CLSTN1: variants seen among roughly 807,000 people sequenced by gnomAD.
CLSTN1 encodes calsyntenin-1.
In CLSTN1, 28 loss-of-function variants were observed where a neutral mutation model predicts 108.3. That is an observed-to-expected ratio of 0.26 (90% CI 0.19 to 0.35). CLSTN1 has a LOEUF of 0.35. Ranked by LOEUF, CLSTN1 falls within the 10% of genes least tolerant of loss-of-function variation. The pLI is 1.00. For missense variants in CLSTN1, 1,157 were observed against 1,302.6 expected, an observed-to-expected ratio of 0.89 and a Z score of 1.72; for synonymous variants, 524 against 534.9, an observed-to-expected ratio of 0.98 and a Z score of 0.28.
At chr1:9,806,238 G>A (rs1398558831) in intron 1 of CLSTN1, among the ~76,000 whole-genome samples, 2 of 151,800 alleles carry the variant, frequency 1.3e-5, no homozygotes, top group Non-Finnish European at 2.9e-5. Context: ...TGGAGGGGGG[G>A]AGGTTGCAGT....
intron 7 of CLSTN1, 147 bp from the exon 8 acceptor site, chr1:9,744,790 T>C (rs1490438671): frequency 9.6e-7 from 1 of 1,037,184 alleles, no homozygotes; most frequent in Non-Finnish European, 1.4e-6. Context: ...AGTCTTGCTT[T>C]GTCCCCAGGC....
intron 2 of CLSTN1, 52 bp from the exon 3 acceptor site, chr1:9,756,562 T>C (rs6680090): frequency 0.96 from 1,465,986 of 1,527,002 alleles, 703,839 homozygotes; most frequent in East Asian, 1. Flanking sequence ...AGAATGAAGA[T>C]GGAATACACT....
At chr1:9,822,040 C>T (rs1011574264) in intron 1 of CLSTN1, among the ~76,000 whole-genome samples, 1 of 152,138 alleles carries the variant, frequency 6.6e-6, no homozygotes, top group African/African-American at 2.4e-5. Flanking sequence ...AAGAAAGCAC[C>T]AATTTTAACA....
chr1:9,816,402 G>A (rs1415854112), intron 1 of CLSTN1, among the ~76,000 whole-genome samples: 1 of 152,126 alleles, frequency 6.6e-6, no homozygotes, highest in African/African-American at 2.4e-5. Context: ...TTTCTTTTGG[G>A]AGTGATGAAA....
At chr1:9,822,180 A>G (rs1655215233) in intron 1 of CLSTN1, among the ~76,000 whole-genome samples, 1 of 152,202 alleles carries the variant, frequency 6.6e-6, no homozygotes, top group African/African-American at 2.4e-5. Flanking sequence ...GATATATTAG[A>G]GTTTCAGACC....
rs780882170 is a variant in CLSTN1, at chr1:9,730,465, C to T, written c.*43G>A. 1.9e-6 allele frequency: 3 copies of T among 1,559,550 alleles called. No homozygotes were observed. The Admixed American group carries it at 5.0e-5, about 26-fold the overall frequency. ...TTGGGACTGGGAGAACGGATGGCAG[C>T]AGAGTCTTCGAAAGCAGAAACCGAG... On this transcript the variant is annotated 3_prime_UTR_variant, in exon 19 of 19. Transcript: ENST00000377298. This position sits in a 1 kb window ranked among gnomAD's most constrained non-coding sequence, Gnocchi z 5.6.
At chr1:9,807,874 TAGGACCCC>T (rs1361001835) in intron 1 of CLSTN1, among the ~76,000 whole-genome samples, 1 of 152,232 alleles carries the variant, frequency 6.6e-6, no homozygotes, top group African/African-American at 2.4e-5. Context: ...CTCGGTCACC[TAGGACCCC>T]AGGAACTAGG....
chr1:9,739,093 C>T (rs2101085825), intron 10 of CLSTN1, among the ~76,000 whole-genome samples: 1 of 152,252 alleles, frequency 6.6e-6, no homozygotes, highest in Admixed American at 6.5e-5. Context: ...AATCATGAAC[C>T]TCTGGGGTAA....
At chr1:9,824,433 A>T (rs999542734), upstream of CLSTN1, 1 of 152,086 alleles carries the variant, frequency 6.6e-6, no homozygotes, top group Non-Finnish European at 1.5e-5. The surrounding 1 kb of genome is among the most constrained non-coding windows in gnomAD (Gnocchi z 5.0). Flanking sequence ...GACCCTTGTC[A>T]CTTCGGGCAG....
At chr1:9,776,533 AAAT>A (rs1163902980) in intron 1 of CLSTN1, among the ~76,000 whole-genome samples, 31 of 152,118 alleles carry the variant, frequency 2.0e-4, no homozygotes, top group African/African-American at 7.5e-4. Context: ...TTAAAAAAAA[AAAT>A]CCACATACAC....
rs1017575973 is a variant in CLSTN1, at chr1:9,823,385, T to C, written c.91+258A>G. ...AGCCCCGCCCGGGACGGAGCCTGGC[T>C]TCCCCGGGACGCCTGCAGCGCGCGC... On this transcript the variant is annotated intron_variant, in intron 1 of 18. Transcript: ENST00000377298. The surrounding 1 kb of genome is among the most constrained non-coding windows in gnomAD (Gnocchi z 6.3). 6.6e-6 allele frequency among the ~76,000 whole-genome samples: 1 copy of C among 152,018 alleles called. No individual in the cohort carries two copies. Among genetic ancestry groups the C allele is most frequent in the African/African-American group, 2.4e-5 (1 of 41,390 alleles).
chr1:9,806,234 G>A (rs547689294), intron 1 of CLSTN1, among the ~76,000 whole-genome samples: 4 of 152,158 alleles, frequency 2.6e-5, no homozygotes, highest in South Asian at 2.1e-4. Flanking sequence ...GGGGTGGAGG[G>A]GGGGAGGTTG....
At chr1:9,806,856 G>T (rs1654529434) in intron 1 of CLSTN1, among the ~76,000 whole-genome samples, 1 of 152,148 alleles carries the variant, frequency 6.6e-6, no homozygotes, top group Non-Finnish European at 1.5e-5. Context: ...TCCAGCCTGG[G>T]CAACAGAGTG....
intron 1 of CLSTN1, 136 bp from the exon 2 acceptor site, chr1:9,773,530 C>T (rs933738680): frequency 1.0e-5 from 9 of 874,522 alleles, no homozygotes; most frequent in Non-Finnish European, 1.4e-5. Flanking sequence ...ACAGTTCTGT[C>T]GCAAAATTTG....
At position 9,817,936 on chromosome 1, in the gene CLSTN1, T is replaced by C. The variant is rs527241545; in HGVS notation, c.91+5707A>G. On this transcript the variant is annotated intron_variant, in intron 1 of 18. Transcript: ENST00000377298. ...GACACAGTGGGGAGGCTGTCGCCAT[T>C]TAAGGGTTCCTATATATGGCCTTTG... is the stretch of plus-strand genomic sequence containing the variant. Among the ~76,000 whole-genome samples the C allele has an allele frequency of 2.6e-5, 4 of 152,004 alleles. No individual in the cohort carries two copies. The South Asian group carries it at 8.3e-4, about 32-fold the overall frequency.
intron 4 of CLSTN1, among the ~76,000 whole-genome samples, chr1:9,753,189 T>C (rs990000280): frequency 6.6e-6 from 1 of 152,184 alleles, no homozygotes. Flanking sequence ...ATCCCTGGCA[T>C]GCTCAGTTCA....
intron 2 of CLSTN1, among the ~76,000 whole-genome samples, chr1:9,770,293 T>A (rs1467963202): frequency 6.6e-6 from 1 of 152,190 alleles, no homozygotes; most frequent in Admixed American, 6.5e-5. Context: ...CTCTAAAAAA[T>A]AAACTTGTAT....
intron 16 of CLSTN1, among the ~76,000 whole-genome samples, chr1:9,732,603 A>G (rs1363672637): frequency 6.6e-6 from 1 of 152,218 alleles, no homozygotes; most frequent in Non-Finnish European, 1.5e-5. Context: ...TCATGGTGAT[A>G]TTCCATTGCT....
At chr1:9,760,875 G>A (rs1196574031) in intron 2 of CLSTN1, among the ~76,000 whole-genome samples, 1 of 151,640 alleles carries the variant, frequency 6.6e-6, no homozygotes, top group Non-Finnish European at 1.5e-5. Flanking sequence ...CACATACGAA[G>A]GTGCAGCTCC....
Sources: gnomAD v4.1 joint callset for allele counts (sites outside exome capture counted in the v4.1 genomes callset) on GRCh38, gnomAD v4.1.1 for gene constraint, Gnocchi (gnomAD v3.1) non-coding constraint, MANE v1.5 for transcripts, NCBI Gene and HGNC (gene_info 2026-07-23, HGNC 2026-07-21) for gene names.